RAD21L1: variants seen among roughly 807,000 people sequenced by gnomAD.
The protein encoded by RAD21L1 is RAD21 cohesin complex component like 1, also known as double-strand-break repair protein rad21-like protein 1.
In RAD21L1, 47 loss-of-function variants were observed where a neutral mutation model predicts 69.0. That is an observed-to-expected ratio of 0.68 (90% CI 0.54 to 0.87). The LOEUF (loss-of-function observed/expected upper bound fraction) is 0.87, where lower values mean the gene tolerates loss of function less well. Ranked by LOEUF, RAD21L1 falls within the 40% of genes least tolerant of loss-of-function variation. The probability of loss-of-function intolerance (pLI) is 0.00; values close to 1 mark genes in which losing one functional copy is unlikely to be tolerated. For missense variants in RAD21L1, 583 were observed against 647.6 expected, an observed-to-expected ratio of 0.90 and a Z score of 1.08; for synonymous variants, 177 against 205.8, an observed-to-expected ratio of 0.86 and a Z score of 1.20.
At chr20:1,231,424 T>C in intron 3 of RAD21L1, 102 bp from the exon 4 acceptor site, 1 of 674,868 alleles carries the variant, frequency 1.5e-6, no homozygotes. Flanking sequence ...GAAAACTAGT[T>C]AGAATAAGCA....
chr20:1,253,477 A>G (rs1020218509), intron 13 of RAD21L1, among the ~76,000 whole-genome samples: 1 of 152,038 alleles, frequency 6.6e-6, no homozygotes, highest in Admixed American at 6.6e-5. Context: ...TTGTATTTTT[A>G]GTACAGACAA....
At chr20:1,247,932 A>G (rs1181954496) in intron 12 of RAD21L1, among the ~76,000 whole-genome samples, 2 of 149,914 alleles carry the variant, frequency 1.3e-5, no homozygotes, top group East Asian at 4.0e-4. Flanking sequence ...ATTCATGAAC[A>G]CCTTTCATAT....
intron 8 of RAD21L1, among the ~76,000 whole-genome samples, 164 bp from the exon 9 acceptor site, chr20:1,242,455 A>T (rs1365518221): frequency 9.3e-5 from 14 of 150,554 alleles, no homozygotes; most frequent in Non-Finnish European, 5.9e-5. Context: ...CTGGTCTTGA[A>T]CTCCTGGGCC....
In RAD21L1 at chr20:1,234,112, TCAG is replaced by T; in HGVS notation, c.397_399del (p.Gln133del). On this transcript the variant is annotated inframe_deletion, in exon 5 of 14. Coordinates refer to ENST00000683101, the MANE Select transcript of RAD21L1 (RefSeq NM_001384355.1). The stretch of plus-strand genomic sequence containing the variant: ...CTATTGATGTTTCAGAACACTTTAC[TCAG>T]AACCAAAGCAGACCAGAAGAAATCA... 1 of 1,542,144 alleles carries T rather than the reference TCAG, an allele frequency of 6.5e-7. No individual in the cohort carries two copies. The highest frequency in any genetic ancestry group is 1.7e-4 in the Middle Eastern group (1 of 5,968).
intron 13 of RAD21L1, among the ~76,000 whole-genome samples, chr20:1,251,279 T>A (rs1289491016): frequency 6.6e-6 from 1 of 152,128 alleles, no homozygotes; most frequent in African/African-American, 2.4e-5. Context: ...TGATCCTTTG[T>A]AAGTAACCTT....
At chr20:1,235,299 C>T (rs1479520961) in intron 5 of RAD21L1, among the ~76,000 whole-genome samples, 2 of 152,004 alleles carry the variant, frequency 1.3e-5, no homozygotes, top group Admixed American at 6.6e-5. Flanking sequence ...AATGCTTGAG[C>T]GACATCTCTA....
At chr20:1,247,489 C>T (rs1315506195) in intron 12 of RAD21L1, among the ~76,000 whole-genome samples, 3 of 152,076 alleles carry the variant, frequency 2.0e-5, no homozygotes, top group Non-Finnish European at 4.4e-5. Context: ...AAAGAATAAT[C>T]ATAAATTGTA....
chr20:1,237,023 T>A (rs1196839435), intron 5 of RAD21L1, among the ~76,000 whole-genome samples: 2 of 152,256 alleles, frequency 1.3e-5, no homozygotes, highest in African/African-American at 4.8e-5. Flanking sequence ...AGTCTTTTCT[T>A]CTGAGCAATT....
rs2087314651 is a variant in RAD21L1 at position 1,228,597 on chromosome 20, G to A, written c.144G>A (p.Lys48=). ...CCATTGAAAAAATTCTTTCACCCAA[G>A]GTATGTTACTGATTAAAATGATAGC... ...EITIEKILSP[K]VKIALRTSGH... The change falls in exon 2 of 14, where the codon AAG becomes AAA. Residue 48 remains lysine, a splice_region_variant and synonymous_variant. Coordinates refer to ENST00000683101, the MANE Select transcript of RAD21L1 (RefSeq NM_001384355.1). The A allele has an allele frequency of 6.6e-7, 1 of 1,526,216 alleles. No individual in the cohort carries two copies. The highest frequency in any genetic ancestry group is 8.8e-7 in the Non-Finnish European group (1 of 1,134,516). 94.5% of individuals were successfully genotyped at this position (1,526,216 alleles called of 1,614,324 possible).
intron 1 of RAD21L1, among the ~76,000 whole-genome samples, chr20:1,226,680 C>T (rs902082450): frequency 6.6e-6 from 1 of 152,144 alleles, no homozygotes; most frequent in African/African-American, 2.4e-5. Context: ...CGGAGTGGCC[C>T]CATCCCGGTG....
Position 1,242,690 on chromosome 20 carries a change from G to T in RAD21L1, c.928G>T (p.Val310Phe). ...IDPIKELSSK[V>F]IHKQLTSFAD... ...TCCTATCAAGGAGCTCAGTAGCAAA[G>T]TTATACATAAACAGCTTACTTCCTT... is the stretch of plus-strand genomic sequence containing the variant. Residue 310 changes from valine (V) to phenylalanine (F), a missense_variant, in exon 9 of 14, where the codon GTT becomes TTT. By Grantham distance (50) the Val-to-Phe change is conservative. Transcript: ENST00000683101. The T allele has an allele frequency of 6.4e-7, 1 of 1,551,682 alleles. No individual in the cohort carries two copies. The highest frequency in any genetic ancestry group is 8.7e-7 in the Non-Finnish European group (1 of 1,146,950).
chr20:1,249,977 G>T (rs968479951), intron 13 of RAD21L1, among the ~76,000 whole-genome samples: 4 of 150,642 alleles, frequency 2.7e-5, no homozygotes, highest in Non-Finnish European at 4.4e-5. Context: ...TTTACATTAG[G>T]TATATCTCCT....
chr20:1,242,759 A>G lies in RAD21L1; in HGVS notation c.997A>G (p.Arg333Gly). Residue 333 changes from arginine to glycine, a missense_variant, in exon 9 of 14, where the codon AGA becomes GGA. Physicochemically the swap from Arg to Gly is moderately radical, Grantham distance 125. Transcript: ENST00000683101. ...MVLELAPPTQ[R>G]LMMWKKRGGV... ...TTTGGAACTTGCACCTCCTACCCAA[A>G]GATTGATGATGTGGAAGAAGAGGGG... 6.4e-7 allele frequency: 1 copy of G among 1,551,608 alleles called. No individual in the cohort carries two copies. Among genetic ancestry groups the G allele is most frequent in the Non-Finnish European group, 8.7e-7 (1 of 1,146,918 alleles).
At chr20:1,228,700 T>A in intron 2 of RAD21L1, 103 bp downstream of exon 2, 1 of 851,436 alleles carries the variant, frequency 1.2e-6, no homozygotes, top group Non-Finnish European at 1.8e-6. Flanking sequence ...AAGGAAGTTT[T>A]ACTTGTCAAA....
intron 5 of RAD21L1, 42 bp downstream of exon 5, chr20:1,234,233 T>C (rs1222701869): frequency 2.2e-6 from 2 of 897,822 alleles, no homozygotes; most frequent in Non-Finnish European, 3.6e-6. Context: ...TTATAATCAA[T>C]TATATTTGTA....
chr20:1,253,373 T>G (rs2087874167), intron 13 of RAD21L1, among the ~76,000 whole-genome samples: 1 of 152,138 alleles, frequency 6.6e-6, no homozygotes, highest in South Asian at 2.1e-4. Context: ...CTCGGCTCAC[T>G]GCAACCTCAT....
intron 7 of RAD21L1, 50 bp from the exon 8 acceptor site, chr20:1,240,271 G>T: frequency 6.7e-7 from 1 of 1,502,500 alleles, no homozygotes. Flanking sequence ...CCTCTAGCCT[G>T]CATCCTAACT....
At chr20:1,251,314 T>C (rs995067366) in intron 13 of RAD21L1, among the ~76,000 whole-genome samples, 3 of 151,926 alleles carry the variant, frequency 2.0e-5, no homozygotes, top group Admixed American at 6.6e-5. Context: ...AAGCTTTTGA[T>C]CTATTATTGT....
intron 4 of RAD21L1, among the ~76,000 whole-genome samples, chr20:1,233,820 CACAA>C (rs1173158081): frequency 6.6e-6 from 1 of 152,120 alleles, no homozygotes; most frequent in Non-Finnish European, 1.5e-5. Flanking sequence ...GTGAAGAAGA[CACAA>C]ACATTTAGGC....
Sources: allele counts gnomAD v4.1 joint callset (sites outside exome capture counted in the v4.1 genomes callset), GRCh38; gene constraint gnomAD v4.1.1; transcripts MANE v1.5; gene names NCBI Gene and HGNC (gene_info 2026-07-23, HGNC 2026-07-21).